CACNG2: variants seen among roughly 807,000 people sequenced by gnomAD.
CACNG2 encodes voltage-dependent calcium channel gamma-2 subunit.
A neutral mutation model predicts 25.9 loss-of-function variants in CACNG2; 3 were observed. That is an observed-to-expected ratio of 0.12 (90% CI 0.05 to 0.30). The LOEUF is 0.30. CACNG2 is among the 10% of genes least tolerant of loss of function. CACNG2 has a pLI of 1.00. For synonymous variants in CACNG2, 167 were observed against 173.3 expected, an observed-to-expected ratio of 0.96 and a Z score of 0.29; for missense variants, 341 against 432.5, an observed-to-expected ratio of 0.79 and a Z score of 1.88.
intron 1 of CACNG2, among the ~76,000 whole-genome samples, chr22:36,679,206 C>G (rs1160761995): frequency 7.3e-6 from 1 of 136,292 alleles, no homozygotes; most frequent in Non-Finnish European, 1.6e-5. Context: ...TCCTTTCTTT[C>G]TTTCTTTCTT....
intron 2 of CACNG2, among the ~76,000 whole-genome samples, chr22:36,576,803 T>C (rs941578852): frequency 6.6e-6 from 1 of 152,286 alleles, no homozygotes; most frequent in African/African-American, 2.4e-5. Flanking sequence ...ATGGGGACAC[T>C]GATCATCTCA....
chr22:36,632,710 G>A lies in CACNG2; in HGVS notation c.212-45162C>T, dbSNP rs552532246. ...CTCACTTGCCTTCGGGCACCCCCTCGCTTGGTTCTCTTCCTACCTCACTGG... is the reference window on the plus strand; with the variant it reads ...CTCACTTGCCTTCGGGCACCCCCTCACTTGGTTCTCTTCCTACCTCACTGG... On this transcript the variant is annotated intron_variant, in intron 1 of 3. Coordinates refer to ENST00000300105, the MANE Select transcript of CACNG2 (RefSeq NM_006078.5). 4.6e-5 allele frequency among the ~76,000 whole-genome samples: 7 copies of A among 151,968 alleles called. No homozygotes were observed. In the South Asian group the frequency reaches 8.3e-4, roughly 18 times the overall value.
At chr22:36,688,310 G>C (rs5756290) in intron 1 of CACNG2, among the ~76,000 whole-genome samples, 147,937 of 152,132 alleles carry the variant, frequency 0.97, 71,966 homozygotes, top group East Asian at 1. Flanking sequence ...TTTGGGAGAT[G>C]GAGGTGAGAG....
At chr22:36,668,647 C>T (rs1936907136) in intron 1 of CACNG2, among the ~76,000 whole-genome samples, 1 of 151,024 alleles carries the variant, frequency 6.6e-6, no homozygotes, top group African/African-American at 2.5e-5. Flanking sequence ...CACCACCCCT[C>T]CTGGCTAATT....
Position 36,561,610 on chromosome 22 carries a change from T to A in CACNG2, c.*2741A>T, listed in dbSNP as rs562280125. The A allele has an allele frequency of 2.7e-4, 41 of 152,232 alleles. No homozygotes were observed. Among genetic ancestry groups the A allele is most frequent in the African/African-American group, 9.6e-4 (40 of 41,534 alleles). 9.4% of individuals were successfully genotyped at this position (152,232 alleles called of 1,614,324 possible). A position where few individuals can be genotyped will look rare whatever the true frequency, so the allele number is the denominator to read the frequency against. ...AGCCTTACTAGCCATTCTCTAGAAC[T>A]CCCCAGAGAGCTCAACCTCAGGAAA... On this transcript the variant is annotated 3_prime_UTR_variant, in exon 4 of 4. Transcript: ENST00000300105.
chr22:36,662,964 C>T (rs964358886), intron 1 of CACNG2, among the ~76,000 whole-genome samples: 2 of 151,868 alleles, frequency 1.3e-5, no homozygotes, highest in Admixed American at 1.3e-4. Flanking sequence ...GGGCCCTGCA[C>T]CACACAGGGA....
intron 2 of CACNG2, among the ~76,000 whole-genome samples, chr22:36,569,985 C>T (rs1421929084): frequency 6.6e-6 from 1 of 152,218 alleles, no homozygotes; most frequent in Non-Finnish European, 1.5e-5. Flanking sequence ...GAGGAACAGG[C>T]AGAAGAAAGG....
At chr22:36,686,227 CACCAGGGCAT>C (rs1345378215) in intron 1 of CACNG2, among the ~76,000 whole-genome samples, 1 of 152,126 alleles carries the variant, frequency 6.6e-6, no homozygotes, top group Non-Finnish European at 1.5e-5. Context: ...TCAAAACGGA[CACCAGGGCAT>C]ACCAAGACAA....
intron 1 of CACNG2, among the ~76,000 whole-genome samples, chr22:36,663,256 C>T (rs1389622377): frequency 6.6e-6 from 1 of 152,080 alleles, no homozygotes; most frequent in Non-Finnish European, 1.5e-5. Context: ...CCCCTTTGAG[C>T]GTGATCACTT....
At chr22:36,597,949 G>C (rs922424755) in intron 1 of CACNG2, among the ~76,000 whole-genome samples, 2 of 152,208 alleles carry the variant, frequency 1.3e-5, no homozygotes, top group African/African-American at 4.8e-5. Context: ...AAGTCTGTAA[G>C]CTCCTCAAGG....
At chr22:36,566,199 C>T (rs1332996087) in intron 3 of CACNG2, among the ~76,000 whole-genome samples, 154 bp downstream of exon 3, 4 of 152,144 alleles carry the variant, frequency 2.6e-5, no homozygotes, top group Admixed American at 2.6e-4. Flanking sequence ...ACAGGAGCCC[C>T]CCCACCACCT....
intron 1 of CACNG2, among the ~76,000 whole-genome samples, chr22:36,645,735 G>T (rs948260204): frequency 3.9e-5 from 6 of 152,060 alleles, no homozygotes; most frequent in Non-Finnish European, 5.9e-5. Context: ...TATATCTCTA[G>T]AGCTACAGGA....
chr22:36,576,393 G>A (rs1429470490), intron 2 of CACNG2, among the ~76,000 whole-genome samples: 3 of 152,118 alleles, frequency 2.0e-5, no homozygotes, highest in African/African-American at 7.2e-5. Flanking sequence ...GTGGGGAGAG[G>A]ATGAGGTATA....
chr22:36,615,828 TA>T (rs960280599), intron 1 of CACNG2, among the ~76,000 whole-genome samples: 58 of 151,920 alleles, frequency 3.8e-4, no homozygotes, highest in Non-Finnish European at 6.6e-4. Flanking sequence ...TAGTGTTAGT[TA>T]AAAAAAATAG....
At chr22:36,673,336 A>T (rs927480349) in intron 1 of CACNG2, among the ~76,000 whole-genome samples, 3 of 152,216 alleles carry the variant, frequency 2.0e-5, no homozygotes, top group Non-Finnish European at 2.9e-5. Context: ...GCAATTGATC[A>T]AGCTGAGTAG....
chr22:36,680,406 C>T (rs1369116871), intron 1 of CACNG2, among the ~76,000 whole-genome samples: 2 of 149,520 alleles, frequency 1.3e-5, no homozygotes, highest in African/African-American at 2.5e-5. Flanking sequence ...CCATCACTAC[C>T]ACCATCATCA....
At position 36,656,707 on chromosome 22, in the gene CACNG2, C is replaced by T. The variant is rs549408162; in HGVS notation, c.211+45659G>A. On this transcript the variant is annotated intron_variant, in intron 1 of 3. Coordinates refer to ENST00000300105, the MANE Select transcript of CACNG2 (RefSeq NM_006078.5). ...TCCAGGGGCCTTGGCCTCCTTGCAC[C>T]TCATCAAATGCACCCAGCACGTTCC... 2.4e-4 allele frequency among the ~76,000 whole-genome samples: 37 copies of T among 152,326 alleles called. 1 individual carries two copies. The highest frequency in any genetic ancestry group is 4.1e-4 in the South Asian group (2 of 4,822).
chr22:36,622,158 G>A (rs970512384), intron 1 of CACNG2, among the ~76,000 whole-genome samples: 1 of 152,300 alleles, frequency 6.6e-6, no homozygotes, highest in Non-Finnish European at 1.5e-5. Flanking sequence ...TCGGTGGAGG[G>A]GCAGGATTCA....
At chr22:36,638,195 C>G (rs1325091835) in intron 1 of CACNG2, among the ~76,000 whole-genome samples, 1 of 152,152 alleles carries the variant, frequency 6.6e-6, no homozygotes, top group Non-Finnish European at 1.5e-5. Context: ...CCAGGCGACT[C>G]CCATTGGGAT....
Sources: gnomAD v4.1 joint callset for allele counts (sites outside exome capture counted in the v4.1 genomes callset) on GRCh38, gnomAD v4.1.1 for gene constraint, MANE v1.5 for transcripts, NCBI Gene and HGNC (gene_info 2026-07-23, HGNC 2026-07-21) for gene names.